The following SRRM4 variants were observed in gnomAD, a reference collection of about 807,000 sequenced individuals.
The protein encoded by SRRM4 is serine/arginine repetitive matrix protein 4.
SRRM4 carries 33 observed loss-of-function variants against 68.9 expected under a neutral mutation model. The observed-to-expected ratio is 0.48, with a 90% CI of 0.36 to 0.64. SRRM4 has a LOEUF of 0.64. SRRM4 is among the 30% of genes least tolerant of loss of function. The pLI is 0.00. For missense variants in SRRM4, 817 were observed against 827.1 expected, an observed-to-expected ratio of 0.99 and a Z score of 0.15; for synonymous variants, 318 against 318.8, an observed-to-expected ratio of 1.00 and a Z score of 0.03.
At chr12:119,124,638 T>C (rs1954245656) in intron 6 of SRRM4, among the ~76,000 whole-genome samples, 1 of 152,196 alleles carries the variant, frequency 6.6e-6, no homozygotes, top group South Asian at 2.1e-4. Flanking sequence ...GTAACACCAC[T>C]GTTAGTGGTA....
intron 2 of SRRM4, among the ~76,000 whole-genome samples, chr12:119,108,746 C>T (rs144673748): frequency 1.5e-3 from 230 of 152,204 alleles, no homozygotes; most frequent in Non-Finnish European, 2.6e-3. Context: ...TTGAATACAG[C>T]ACATTGATGG....
intron 1 of SRRM4, among the ~76,000 whole-genome samples, chr12:118,988,938 G>C (rs931157075): frequency 6.6e-6 from 1 of 152,184 alleles, no homozygotes; most frequent in Non-Finnish European, 1.5e-5. Flanking sequence ...TTGAGGCAGA[G>C]GGAACAGCAA....
At chr12:119,079,793 G>A (rs1289248177) in intron 1 of SRRM4, among the ~76,000 whole-genome samples, 3 of 152,014 alleles carry the variant, frequency 2.0e-5, no homozygotes, top group Non-Finnish European at 4.4e-5. Flanking sequence ...TGTTGGGATC[G>A]CCTAGTCAAT....
In SRRM4 at chr12:119,059,140, T is replaced by A. The variant is rs527844681; in HGVS notation, c.132-43096T>A. Among the ~76,000 whole-genome samples, 50 of 152,264 alleles carry A rather than the reference T, an allele frequency of 3.3e-4. 1 individual carries two copies. The South Asian group carries it at 1.0e-2, about 30-fold the overall frequency. Reference sequence around the variant, plus strand: ...CCCTGTAACCACTTCTGTTTGGGTCTTGGATTAAGAAATATTGATTCTACC... The same window carrying A: ...CCCTGTAACCACTTCTGTTTGGGTCATGGATTAAGAAATATTGATTCTACC... On this transcript the variant is annotated intron_variant, in intron 1 of 12. Transcript: ENST00000267260.
intron 1 of SRRM4, among the ~76,000 whole-genome samples, chr12:119,076,426 G>C (rs1378727581): frequency 6.6e-6 from 1 of 152,144 alleles, no homozygotes; most frequent in Non-Finnish European, 1.5e-5. Flanking sequence ...GGTATCAGGA[G>C]AACCCTGCAT....
intron 7 of SRRM4, among the ~76,000 whole-genome samples, chr12:119,130,386 G>C (rs1268437454): frequency 6.6e-6 from 1 of 150,444 alleles, no homozygotes; most frequent in African/African-American, 2.4e-5. Context: ...TAGTTAGATG[G>C]ATGAATAGAT....
At chr12:118,992,336 G>T (rs547892745) in intron 1 of SRRM4, 1 of 152,108 alleles carries the variant, frequency 6.6e-6, no homozygotes, top group South Asian at 2.1e-4. Context: ...ATGACATCCC[G>T]CCCCCTCAGG....
intron 4 of SRRM4, among the ~76,000 whole-genome samples, chr12:119,117,849 T>C (rs1374638862): frequency 6.6e-6 from 1 of 151,964 alleles, no homozygotes; most frequent in Non-Finnish European, 1.5e-5. Context: ...GAGTCAGAGG[T>C]TGCAGTGAGC....
intron 4 of SRRM4, among the ~76,000 whole-genome samples, chr12:119,117,521 T>C (rs755896570): frequency 6.6e-6 from 1 of 152,152 alleles, no homozygotes; most frequent in African/African-American, 2.4e-5. Flanking sequence ...AGATTTCCCA[T>C]GCTGGTGCAT....
chr12:119,081,367 G>A (rs1426604983), intron 1 of SRRM4, among the ~76,000 whole-genome samples: 2 of 152,180 alleles, frequency 1.3e-5, no homozygotes, highest in African/African-American at 2.4e-5. Flanking sequence ...AAGAAAGTAA[G>A]GAAGTTGTAG....
At chr12:119,091,593 G>T (rs561764072) in intron 1 of SRRM4, among the ~76,000 whole-genome samples, 3 of 152,294 alleles carry the variant, frequency 2.0e-5, no homozygotes, top group African/African-American at 7.2e-5. Flanking sequence ...CTAAGTGCTG[G>T]ACATGCATCA....
intron 1 of SRRM4, among the ~76,000 whole-genome samples, chr12:119,077,341 C>A (rs1268272278): frequency 1.3e-5 from 2 of 152,234 alleles, no homozygotes; most frequent in African/African-American, 2.4e-5. Context: ...TATAAGTGAT[C>A]CATGGGCCAC....
At chr12:119,134,618 T>C (rs1954317366) in intron 8 of SRRM4, among the ~76,000 whole-genome samples, 1 of 152,122 alleles carries the variant, frequency 6.6e-6, no homozygotes, top group Non-Finnish European at 1.5e-5. Context: ...AACCTAGCCA[T>C]CCCTTCTCTC....
intron 1 of SRRM4, chr12:118,994,122 G>A (rs539057665): frequency 1.3e-5 from 2 of 152,156 alleles, no homozygotes; most frequent in South Asian, 4.2e-4. Flanking sequence ...AATACCTACT[G>A]CATTCCAGCC....
At chr12:119,051,051 G>T (rs578113482) in intron 1 of SRRM4, among the ~76,000 whole-genome samples, 1 of 152,098 alleles carries the variant, frequency 6.6e-6, no homozygotes, top group African/African-American at 2.4e-5. Flanking sequence ...TCCTCCAAGA[G>T]AATTTGGTAG....
At chr12:118,993,522 T>C (rs1953330359) in intron 1 of SRRM4, among the ~76,000 whole-genome samples, 1 of 152,176 alleles carries the variant, frequency 6.6e-6, no homozygotes, top group Non-Finnish European at 1.5e-5. Context: ...AAACACCATG[T>C]ACCCAATTAT....
At chr12:119,127,855 C>CTAAG (rs1239114331) in intron 7 of SRRM4, among the ~76,000 whole-genome samples, 1 of 152,162 alleles carries the variant, frequency 6.6e-6, no homozygotes, top group African/African-American at 2.4e-5. Flanking sequence ...AGACACTGTG[C>CTAAG]TAAGATTTTC....
At chr12:119,035,275 TTC>T (rs1440639101) in intron 1 of SRRM4, among the ~76,000 whole-genome samples, 3 of 152,216 alleles carry the variant, frequency 2.0e-5, no homozygotes, top group African/African-American at 7.2e-5. Context: ...CTGCCTAGTT[TTC>T]TGTTTCTTAG....
At chr12:119,003,694 C>G (rs925235295) in intron 1 of SRRM4, among the ~76,000 whole-genome samples, 3 of 151,916 alleles carry the variant, frequency 2.0e-5, no homozygotes, top group Non-Finnish European at 4.4e-5. Context: ...TCTTGTCACC[C>G]CCAGCTCCCC....
Sources: gnomAD v4.1 joint callset for allele counts (sites outside exome capture counted in the v4.1 genomes callset) on GRCh38, gnomAD v4.1.1 for gene constraint, MANE v1.5 for transcripts, NCBI Gene and HGNC (gene_info 2026-07-23, HGNC 2026-07-21) for gene names.